The following LHX4 variants were observed in gnomAD, a reference collection of about 807,000 sequenced individuals.
LHX4 encodes the protein LIM homeobox 4, also known as LIM/homeobox protein Lhx4.
Under a neutral mutation model 39.2 loss-of-function variants are expected in LHX4, and 16 were observed. That is an observed-to-expected ratio of 0.41 (90% confidence interval 0.28 to 0.62). The LOEUF (loss-of-function observed/expected upper bound fraction) is 0.62, where lower values mean the gene tolerates loss of function less well. Among genes scored for constraint, LHX4 ranks in the 20% least tolerant of loss-of-function variants. LHX4 has a pLI of 0.33. For synonymous variants in LHX4, 206 were observed against 198.1 expected (o/e 1.04, Z -0.33); for missense variants, 439 against 511.9 (o/e 0.86, Z 1.37).
intron 2 of LHX4, among the ~76,000 whole-genome samples, chr1:180,253,489 G>A (rs1647716857): frequency 6.6e-6 from 1 of 152,224 alleles, no homozygotes; most frequent in Non-Finnish European, 1.5e-5. Context: ...TAAGAGCCCT[G>A]GCACCCAGGA....
At chr1:180,270,704 C>T (rs888156516) in intron 3 of LHX4, 4 of 156,022 alleles carry the variant, frequency 2.6e-5, no homozygotes, top group South Asian at 1.9e-4. Flanking sequence ...CATCTCAGTA[C>T]ACATATTTAT....
chr1:180,247,490 T>A (rs1286683077), intron 1 of LHX4, among the ~76,000 whole-genome samples: 1 of 152,204 alleles, frequency 6.6e-6, no homozygotes, highest in Non-Finnish European at 1.5e-5. Flanking sequence ...GCCTCCGCCG[T>A]GACGCACACC....
At chr1:180,259,706 C>T (rs1015275751) in intron 2 of LHX4, among the ~76,000 whole-genome samples, 1 of 151,060 alleles carries the variant, frequency 6.6e-6, no homozygotes, top group Non-Finnish European at 1.5e-5. Context: ...AGGCGCAGGG[C>T]GGAGAGAGGG....
chr1:180,255,708 T>C (rs922363226), intron 2 of LHX4, among the ~76,000 whole-genome samples: 1 of 152,096 alleles, frequency 6.6e-6, no homozygotes, highest in Non-Finnish European at 1.5e-5. Flanking sequence ...AATCAGGAGG[T>C]GATGAGTCGG....
rs1649179777 is a variant in LHX4 at position 180,278,511 on chromosome 1, G to GAGAC, written c.*3935_*3938dup. 6.6e-6 allele frequency: 1 copy of GAGAC among 152,062 alleles called. No individual in the cohort carries two copies. Among genetic ancestry groups the GAGAC allele is most frequent in the Non-Finnish European group, 1.5e-5 (1 of 68,066 alleles). The allele number at this position is 152,062 out of a possible 1,614,324, so 9.4% of individuals were successfully genotyped here. A position where few individuals can be genotyped will look rare whatever the true frequency, so the allele number is the denominator to read the frequency against. On this transcript the variant is annotated 3_prime_UTR_variant, in exon 6 of 6. Coordinates refer to ENST00000263726, the MANE Select transcript of LHX4 (RefSeq NM_033343.4). The stretch of plus-strand genomic sequence containing the variant: ...GTTTCATGCTGCTAGCTCTGGTAAG[G>GAGAC]AGACAGCTGCAGGTTTGGGAGGTGC...
Position 180,274,212 on chromosome 1 carries a change from A to C in LHX4, c.806A>C (p.His269Pro). ...GATCAAATTCTCTCAGAACTTGGCC[A>C]CACCAATAGGATTTATGGCAACGTG... ...REDQILSELG[H>P]TNRIYGNVGD... The change falls in exon 6 of 6, where the codon CAC becomes CCC. Residue 269 changes from histidine (H) to proline (P), a missense_variant. Coordinates refer to ENST00000263726, the MANE Select transcript of LHX4 (RefSeq NM_033343.4). 1 of 1,614,254 alleles carries C rather than the reference A, an allele frequency of 6.2e-7. No homozygotes were observed. The highest frequency in any genetic ancestry group is 2.2e-5 in the East Asian group (1 of 44,894).
At chr1:180,247,205 A>G (rs528624338) in intron 1 of LHX4, among the ~76,000 whole-genome samples, 140 of 152,336 alleles carry the variant, frequency 9.2e-4, no homozygotes, top group African/African-American at 3.1e-3. Context: ...TTCGCAAGCA[A>G]TCCCTTGGAA....
chr1:180,253,018 G>C (rs1647694260), intron 2 of LHX4, among the ~76,000 whole-genome samples: 1 of 152,142 alleles, frequency 6.6e-6, no homozygotes, highest in Admixed American at 6.5e-5. Context: ...TGAGACCCAA[G>C]AAGAAAGGCA....
rs569425003 is a variant in LHX4, at chr1:180,258,510, C to T, written c.249-7882C>T. Reference sequence around the variant, plus strand: ...GTGTGACTTAGGCCCACTGTGGCGACCATGTGCAGAAGTGCCTGTAGGGGC... The same window carrying T: ...GTGTGACTTAGGCCCACTGTGGCGATCATGTGCAGAAGTGCCTGTAGGGGC... On this transcript the variant is annotated intron_variant, in intron 2 of 5. Coordinates refer to ENST00000263726, the MANE Select transcript of LHX4 (RefSeq NM_033343.4). 3.9e-5 allele frequency among the ~76,000 whole-genome samples: 6 copies of T among 152,294 alleles called. 1 individual carries two copies. The highest frequency in any genetic ancestry group is 1.3e-4 in the Admixed American group (2 of 15,306).
chr1:180,264,108 G>A (rs1018889187), intron 2 of LHX4, among the ~76,000 whole-genome samples: 9 of 152,054 alleles, frequency 5.9e-5, no homozygotes. Context: ...GGGACTACAG[G>A]TGCACACCAC....
chr1:180,252,835 C>T (rs1293900053), intron 2 of LHX4, among the ~76,000 whole-genome samples: 1 of 152,176 alleles, frequency 6.6e-6, no homozygotes, highest in Non-Finnish European at 1.5e-5. Context: ...TTGGTGTGGA[C>T]ACAGAGGAGG....
rs1389328209 is a variant in LHX4, at chr1:180,234,220, T to TATATATATAA, written c.76+3616_76+3617insTATATATAAA. ...ATATATATATATATATATATATATATAATAGATTGAGATTCTATCATATTC... is the reference window on the plus strand; with the variant it reads ...ATATATATATATATATATATATATATATATATATAAAATAGATTGAGATTCTATCATATTC... On this transcript the variant is annotated intron_variant, in intron 1 of 5. Transcript: ENST00000263726. This position sits in a 1 kb window ranked among gnomAD's most constrained non-coding sequence, Gnocchi z 4.8. Among the ~76,000 whole-genome samples, 57 of 70,202 alleles carry TATATATATAA rather than the reference T, an allele frequency of 8.1e-4. No individual in the cohort carries two copies. Among genetic ancestry groups the TATATATATAA allele is most frequent in the African/African-American group, 2.0e-3 (26 of 13,246 alleles). The allele number at this position is 70,202 out of a possible 152,430, so 46.1% of individuals were successfully genotyped here. A position where few individuals can be genotyped will look rare whatever the true frequency, so the allele number is the denominator to read the frequency against.
chr1:180,233,812 G>T (rs894708653), intron 1 of LHX4, among the ~76,000 whole-genome samples: 1 of 152,082 alleles, frequency 6.6e-6, no homozygotes, highest in Admixed American at 6.5e-5. Context: ...AGGCCTGGGG[G>T]TCTCTGTCCC....
At chr1:180,256,982 C>A (rs1270651394) in intron 2 of LHX4, among the ~76,000 whole-genome samples, 1 of 152,256 alleles carries the variant, frequency 6.6e-6, no homozygotes, top group Non-Finnish European at 1.5e-5. Flanking sequence ...AGATGCCTCG[C>A]ATGAAGTTGC....
rs1487978274 is a variant in LHX4, at chr1:180,234,722, TAAAGTCGGGACTGAGAA to T, written c.76+4118_76+4134del. Among the ~76,000 whole-genome samples the T allele has an allele frequency of 6.6e-6, 1 of 152,232 alleles. No homozygotes were observed. The highest frequency in any genetic ancestry group is 1.5e-5 in the Non-Finnish European group (1 of 68,026). ...CAGTCCGCAGTGTCCCGGGAAGTCG[TAAAGTCGGGACTGAGAA>T]GAAGCAGGACCTAACTCAAGTTTAT... On this transcript the variant is annotated intron_variant, in intron 1 of 5. Transcript: ENST00000263726. This position sits in a 1 kb window ranked among gnomAD's most constrained non-coding sequence, Gnocchi z 4.8.
At chr1:180,271,805 CTGAG>C in intron 4 of LHX4, 26 bp from the exon 5 acceptor site, 2 of 1,613,472 alleles carry the variant, frequency 1.2e-6, no homozygotes, top group Non-Finnish European at 1.7e-6. Flanking sequence ...TGGACGCCCC[CTGAG>C]TATGTCCCTT....
chr1:180,243,140 C>T (rs767570114), intron 1 of LHX4, among the ~76,000 whole-genome samples: 2 of 152,130 alleles, frequency 1.3e-5, no homozygotes, highest in Non-Finnish European at 2.9e-5. Flanking sequence ...AGGCATGCAC[C>T]ACCATGCCTG....
chr1:180,258,828 A>G (rs1253188888), intron 2 of LHX4, among the ~76,000 whole-genome samples: 1 of 151,212 alleles, frequency 6.6e-6, no homozygotes, highest in African/African-American at 2.4e-5. Flanking sequence ...AATAATAATG[A>G]TAGTAATAAT....
intron 2 of LHX4, among the ~76,000 whole-genome samples, chr1:180,254,363 G>A (rs1647757986): frequency 6.6e-6 from 1 of 152,228 alleles, no homozygotes; most frequent in African/African-American, 2.4e-5. Context: ...GCCAGGCCAG[G>A]ATCTCCCTCT....
Sources: allele counts gnomAD v4.1 joint callset (sites outside exome capture counted in the v4.1 genomes callset), GRCh38; gene constraint gnomAD v4.1.1; non-coding constraint Gnocchi (gnomAD v3.1); transcripts MANE v1.5; gene names NCBI Gene and HGNC (gene_info 2026-07-23, HGNC 2026-07-21).